Variants in NRAP observed in about 807,000 individuals in gnomAD.
NRAP encodes nebulin-related-anchoring protein.
NRAP carries 189 observed loss-of-function variants against 225.9 expected under a neutral mutation model. The ratio of observed to expected loss-of-function variants is 0.84; its 90% confidence interval spans 0.74 to 0.94. The LOEUF (loss-of-function observed/expected upper bound fraction) is 0.94. NRAP is among the 40% of genes least tolerant of loss of function. NRAP has a pLI of 0.00. For synonymous variants in NRAP, 769 were observed against 790.7 expected (o/e 0.97, Z 0.46); for missense variants, 2,176 against 2,168.7 (o/e 1.00, Z -0.07).
intron 9 of NRAP, among the ~76,000 whole-genome samples, chr10:113,648,227 A>G (rs1194834409): frequency 6.6e-6 from 1 of 152,214 alleles, no homozygotes; most frequent in Non-Finnish European, 1.5e-5. Context: ...TAGTTGGGTC[A>G]GATTAGAAAG....
chr10:113,629,559 T>C, intron 19 of NRAP, 29 bp downstream of exon 19: 1 of 1,484,974 alleles, frequency 6.7e-7, no homozygotes, highest in Non-Finnish European at 9.4e-7. Context: ...AAGAGATGCA[T>C]GAAGAGAACT....
Position 113,615,883 on chromosome 10 carries a change from G to A in NRAP, c.2974-67C>T, listed in dbSNP as rs1032685958. 7.6e-5 allele frequency: 69 copies of A among 908,616 alleles called. 1 individual carries two copies. Among genetic ancestry groups the A allele is most frequent in the East Asian group, 6.0e-4 (23 of 38,474 alleles). 56.3% of individuals were successfully genotyped at this position (908,616 alleles called of 1,614,324 possible). A position where few individuals can be genotyped will look rare whatever the true frequency, so the allele number is the denominator to read the frequency against. On this transcript the variant is annotated intron_variant, in intron 26 of 41. Transcript: ENST00000359988. ...TCCATGCAGCCATCAGCCAGGTTAC[G>A]CTTCAAGAGTCCAAGCTGCTGCAGC...
rs3127124 is a variant in NRAP, at chr10:113,663,936, A to T, written c.-54T>A. ...TAGGCAACAGGCAAGAAATGCAAGG[A>T]GAACCCCCAGTCTAGTTCAAGTCTT... On this transcript the variant is annotated 5_prime_UTR_variant, in exon 1 of 42. Transcript: ENST00000359988. The T allele has an allele frequency of 8.2e-6, 11 of 1,334,662 alleles. No homozygotes were observed. In the Admixed American group the frequency reaches 8.4e-5, roughly 10 times the overall value. 82.7% of individuals were successfully genotyped at this position (1,334,662 alleles called of 1,614,324 possible). A position where few individuals can be genotyped will look rare whatever the true frequency, so the allele number is the denominator to read the frequency against.
intron 41 of NRAP, chr10:113,589,389 G>A (rs775684469): frequency 1.7e-6 from 1 of 573,036 alleles, no homozygotes; most frequent in South Asian, 2.3e-5. Context: ...AGCACAGCCT[G>A]GGCTGCCCTG....
chr10:113,591,107 T>C (rs1351984124), intron 39 of NRAP, among the ~76,000 whole-genome samples: 1 of 152,204 alleles, frequency 6.6e-6, no homozygotes, highest in Non-Finnish European at 1.5e-5. Context: ...TGGAGAATGA[T>C]CTACACCCCA....
intron 14 of NRAP, among the ~76,000 whole-genome samples, chr10:113,636,030 C>A (rs1245144442): frequency 6.6e-6 from 1 of 152,202 alleles, no homozygotes; most frequent in Non-Finnish European, 1.5e-5. Context: ...GGCCTGTTGC[C>A]AGCTGAGCTC....
intron 14 of NRAP, among the ~76,000 whole-genome samples, chr10:113,637,105 CCT>C (rs1215008749): frequency 6.6e-6 from 1 of 152,046 alleles, no homozygotes. Context: ...CCATGTCTTC[CCT>C]GAGTCTGGGT....
chr10:113,648,467 C>CTCTCTCTCTCTCTCTCTATA (rs749486311), intron 9 of NRAP, among the ~76,000 whole-genome samples: 2 of 87,356 alleles, frequency 2.3e-5, no homozygotes, highest in African/African-American at 9.0e-5. Context: ...CTCTCTCTCT[C>CTCTCTCTCTCTCTCTCTATA]TATATATATA....
chr10:113,610,913 G>C (rs529853618), intron 30 of NRAP, among the ~76,000 whole-genome samples: 11 of 152,218 alleles, frequency 7.2e-5, no homozygotes, highest in South Asian at 4.1e-4. Flanking sequence ...GGCAAATGTG[G>C]AAATGGTCTA....
chr10:113,651,726 G>T, intron 7 of NRAP, 77 bp downstream of exon 7: 1 of 810,410 alleles, frequency 1.2e-6, no homozygotes, highest in Non-Finnish European at 2.2e-6. Flanking sequence ...GTTCATTGCA[G>T]CACTATTCAC....
intron 31 of NRAP, 33 bp from the exon 32 acceptor site, chr10:113,608,545 C>G (rs1214572534): frequency 7.3e-7 from 1 of 1,375,894 alleles, no homozygotes; most frequent in South Asian, 1.2e-5. Flanking sequence ...AAGAAGACGA[C>G]TCCGTAAGGG....
At chr10:113,646,865 C>T in intron 10 of NRAP, 58 bp downstream of exon 10, 2 of 1,139,646 alleles carry the variant, frequency 1.8e-6, no homozygotes, top group Non-Finnish European at 1.3e-6. Flanking sequence ...GTAAGCACAG[C>T]CTTCAAAGTC....
Position 113,614,970 on chromosome 10 carries a change from A to G in NRAP, c.3079-24T>C, listed in dbSNP as rs752560000. On this transcript the variant is annotated intron_variant, in intron 27 of 41. Coordinates refer to ENST00000359988, the MANE Select transcript of NRAP (RefSeq NM_198060.4). Reference sequence around the variant, plus strand: ...GTCTGTCGGGAAGATGTGCACAAGGAAAGACCTTTAAGTGACCTGGTGGTT... The same window carrying G: ...GTCTGTCGGGAAGATGTGCACAAGGGAAGACCTTTAAGTGACCTGGTGGTT... 3.6e-6 allele frequency: 5 copies of G among 1,384,566 alleles called. No individual in the cohort carries two copies. The East Asian group carries it at 1.1e-4, about 32-fold the overall frequency. The allele number at this position is 1,384,566 out of a possible 1,614,324, so 85.8% of individuals were successfully genotyped here.
chr10:113,602,334 C>T (rs1411199690), intron 35 of NRAP, among the ~76,000 whole-genome samples: 2 of 152,162 alleles, frequency 1.3e-5, no homozygotes, highest in Non-Finnish European at 2.9e-5. Flanking sequence ...TCCTCAGGTG[C>T]CTGTTCTGTC....
Position 113,597,075 on chromosome 10 carries a change from A to G in NRAP, c.4431+11T>C, listed in dbSNP as rs1846322845. The G allele has an allele frequency of 6.3e-7, 1 of 1,588,750 alleles. No individual in the cohort carries two copies. The highest frequency in any genetic ancestry group is 8.6e-7 in the Non-Finnish European group (1 of 1,156,894). ...CTGCATGCCCGGGATGAATGACAAG[A>G]AAGGACCCACCTCATTGCAGTGCAT... On this transcript the variant is annotated intron_variant, in intron 37 of 41. Coordinates refer to ENST00000359988, the MANE Select transcript of NRAP (RefSeq NM_198060.4).
rs1343267251 is a variant in NRAP, at chr10:113,598,042, T to C, written c.4259A>G (p.Lys1420Arg). 1 of 1,613,686 alleles carries C rather than the reference T, an allele frequency of 6.2e-7. No individual in the cohort carries two copies. The highest frequency in any genetic ancestry group is 1.7e-5 in the Admixed American group (1 of 59,964). The change falls in exon 36 of 42, where the codon AAG (lysine) becomes AGG (arginine). Residue 1420 changes from lysine (K) to arginine (R), a missense_variant. Coordinates refer to ENST00000359988, the MANE Select transcript of NRAP (RefSeq NM_198060.4). ...LRYKSDLIGM[K>R]GIGWLALRSP... ...TCTCAGCGCCAGCCATCCTATGCCC[T>C]TCATGCCGATCAGGTCTGACTTGTA...
chr10:113,625,393 TCTC>T (rs1220086972), intron 21 of NRAP, among the ~76,000 whole-genome samples: 3 of 152,262 alleles, frequency 2.0e-5, no homozygotes, highest in East Asian at 1.9e-4. Context: ...TGCGTGGACA[TCTC>T]CTCCATGGCA....
In NRAP at chr10:113,642,936, C is replaced by G. The variant is rs1417215691; in HGVS notation, c.1213G>C (p.Asp405His). The G allele has an allele frequency of 4.5e-6, 7 of 1,560,608 alleles. No individual in the cohort carries two copies. The South Asian group carries it at 7.8e-5, about 17-fold the overall frequency. The stretch of plus-strand genomic sequence containing the variant: ...AAAGCTTAGCGTTAACAACTCACAT[C>G]ACTGGTAAATTTTGAGATCTTGCTC... ...NVSKISKFTS[D>H]NKYKENYQNH... Residue 405 changes from aspartate to histidine, a missense_variant and splice_region_variant, in exon 12 of 42, where the codon GAT becomes CAT. Asp to His is a moderately conservative substitution (Grantham distance 81). Coordinates refer to ENST00000359988, the MANE Select transcript of NRAP (RefSeq NM_198060.4).
chr10:113,625,071 T>C, intron 21 of NRAP, 141 bp from the exon 22 acceptor site: 2 of 605,572 alleles, frequency 3.3e-6, no homozygotes, highest in African/African-American at 1.8e-5. Context: ...GATCAGACTC[T>C]GAGTGGCAGG....
Sources: gnomAD v4.1 joint callset for allele counts (sites outside exome capture counted in the v4.1 genomes callset) on GRCh38, gnomAD v4.1.1 for gene constraint, MANE v1.5 for transcripts, NCBI Gene and HGNC (gene_info 2026-07-23, HGNC 2026-07-21) for gene names.